The following PTTG1IP2 variants were observed in gnomAD, a reference collection of about 807,000 sequenced individuals.
PTTG1IP2 encodes the protein PTTG1IP family member 2.
intron 6 of PTTG1IP2, among the ~76,000 whole-genome samples, chr7:90,503,613 C>T (rs1331811839): frequency 6.6e-6 from 1 of 152,188 alleles, no homozygotes; most frequent in Non-Finnish European, 1.5e-5. Flanking sequence ...TGCTGTGTCT[C>T]ACTGAAGAGG....
chr7:90,495,153 G>A (rs984123472), intron 6 of PTTG1IP2, among the ~76,000 whole-genome samples: 3 of 152,154 alleles, frequency 2.0e-5, no homozygotes, highest in African/African-American at 4.8e-5. Context: ...ATCTGTTTGT[G>A]CCTTAGTTCC....
chr7:90,483,456 C>T (rs926886131), intron 2 of PTTG1IP2, among the ~76,000 whole-genome samples: 1 of 152,178 alleles, frequency 6.6e-6, no homozygotes. Flanking sequence ...AAGCCTTTCT[C>T]ATTTCCTTGT....
intron 6 of PTTG1IP2, among the ~76,000 whole-genome samples, chr7:90,500,708 C>T (rs1407210799): frequency 6.6e-6 from 1 of 152,174 alleles, no homozygotes; most frequent in Admixed American, 6.5e-5. Flanking sequence ...TGGCCCAAAT[C>T]CCAATATCAA....
Position 90,513,295 on chromosome 7 carries a change from AATC to A in PTTG1IP2, c.*72_*74del, listed in dbSNP as rs1487345343. On this transcript the variant is annotated 3_prime_UTR_variant, in exon 7 of 7. Coordinates refer to ENST00000509356, the MANE Select transcript of PTTG1IP2 (RefSeq NM_001365443.2). ...TCTTTCAGGCTTCCTTCAGGATTTT[AATC>A]ATCCTTACAGCCTCTTTGAGAATGA... is the stretch of plus-strand genomic sequence containing the variant. 1 of 152,622 alleles carries A rather than the reference AATC, an allele frequency of 6.6e-6. No individual in the cohort carries two copies. The highest frequency in any genetic ancestry group is 1.5e-5 in the Non-Finnish European group (1 of 68,024). The allele number at this position is 152,622 out of a possible 1,614,324, so 9.5% of individuals were successfully genotyped here.
intron 6 of PTTG1IP2, among the ~76,000 whole-genome samples, chr7:90,502,802 G>A (rs1798074413): frequency 6.6e-6 from 1 of 152,194 alleles, no homozygotes; most frequent in African/African-American, 2.4e-5. Flanking sequence ...CATTTATAGA[G>A]TGCGGGCAAG....
At chr7:90,508,233 T>A (rs1239795873) in intron 6 of PTTG1IP2, among the ~76,000 whole-genome samples, 1 of 139,760 alleles carries the variant, frequency 7.2e-6, no homozygotes, top group Non-Finnish European at 1.5e-5. Context: ...CGCCACTGCC[T>A]CCAGTCTGGG....
chr7:90,496,451 G>A (rs150105021), intron 6 of PTTG1IP2, among the ~76,000 whole-genome samples: 121 of 152,022 alleles, frequency 8.0e-4, no homozygotes, highest in African/African-American at 2.6e-3. Flanking sequence ...ACAGTATCTC[G>A]TAATCTTTCA....
chr7:90,470,572 G>A (rs1797671808), intron 1 of PTTG1IP2, among the ~76,000 whole-genome samples: 1 of 152,326 alleles, frequency 6.6e-6, no homozygotes, highest in Non-Finnish European at 1.5e-5. Context: ...AATTACTGCT[G>A]TCTGGTTTCC....
At chr7:90,470,963 C>CAAAAAAA in intron 1 of PTTG1IP2, among the ~76,000 whole-genome samples, 436 of 106,590 alleles carry the variant, frequency 4.1e-3, no homozygotes, top group Non-Finnish European at 5.8e-3. Flanking sequence ...TGATGAAGAA[C>CAAAAAAA]AAAAAAAAAA....
intron 1 of PTTG1IP2, among the ~76,000 whole-genome samples, chr7:90,477,223 G>T (rs1336763839): frequency 1.3e-5 from 2 of 152,066 alleles, no homozygotes; most frequent in African/African-American, 4.8e-5. Flanking sequence ...GAGGGTGAAA[G>T]AATCTGGTAC....
intron 2 of PTTG1IP2, among the ~76,000 whole-genome samples, chr7:90,480,865 C>A (rs906269057): frequency 2.6e-5 from 4 of 152,128 alleles, no homozygotes; most frequent in African/African-American, 9.7e-5. Flanking sequence ...TTCTCATAGT[C>A]TGGATTTTGC....
At chr7:90,510,185 A>G (rs539923989) in intron 6 of PTTG1IP2, among the ~76,000 whole-genome samples, 1 of 152,348 alleles carries the variant, frequency 6.6e-6, no homozygotes, top group African/African-American at 2.4e-5. Flanking sequence ...CACTGTGCCT[A>G]AATTGGCTTT....
intron 1 of PTTG1IP2, among the ~76,000 whole-genome samples, chr7:90,473,652 A>G (rs1359411704): frequency 6.6e-6 from 1 of 152,228 alleles, no homozygotes; most frequent in African/African-American, 2.4e-5. Flanking sequence ...TGAGAGGCCT[A>G]GATCAGATTC....
At chr7:90,491,568 A>G (rs1443713215) in intron 4 of PTTG1IP2, among the ~76,000 whole-genome samples, 1 of 151,800 alleles carries the variant, frequency 6.6e-6, no homozygotes, top group Non-Finnish European at 1.5e-5. Flanking sequence ...GGTTGCAGTG[A>G]GCTGAGATCA....
chr7:90,506,382 A>T (rs1021481676), intron 6 of PTTG1IP2, among the ~76,000 whole-genome samples: 1 of 152,186 alleles, frequency 6.6e-6, no homozygotes, highest in Non-Finnish European at 1.5e-5. Flanking sequence ...TACTGCATAC[A>T]TGCCAGTTTG....
At chr7:90,510,992 T>C (rs1190109608) in intron 6 of PTTG1IP2, among the ~76,000 whole-genome samples, 1 of 152,250 alleles carries the variant, frequency 6.6e-6, no homozygotes, top group African/African-American at 2.4e-5. Flanking sequence ...TAATCTTTTG[T>C]ATTTCTTCTC....
chr7:90,486,762 A>G (rs539211525), intron 2 of PTTG1IP2, among the ~76,000 whole-genome samples: 1 of 152,306 alleles, frequency 6.6e-6, no homozygotes, highest in African/African-American at 2.4e-5. Flanking sequence ...TCTTATTACT[A>G]CTTTGTGAAA....
At chr7:90,496,743 A>G (rs1039747286) in intron 6 of PTTG1IP2, among the ~76,000 whole-genome samples, 1 of 151,536 alleles carries the variant, frequency 6.6e-6, no homozygotes, top group African/African-American at 2.4e-5. Flanking sequence ...ACCTTTGGGC[A>G]TAGTTTGTTC....
At chr7:90,490,542 C>A (rs1301792452) in intron 4 of PTTG1IP2, among the ~76,000 whole-genome samples, 1 of 151,736 alleles carries the variant, frequency 6.6e-6, no homozygotes, top group Non-Finnish European at 1.5e-5. Flanking sequence ...TGGTCTTTTC[C>A]TTATTAACAT....
Sources: allele counts gnomAD v4.1 joint callset (sites outside exome capture counted in the v4.1 genomes callset), GRCh38; gene constraint gnomAD v4.1.1; transcripts MANE v1.5; gene names NCBI Gene and HGNC (gene_info 2026-07-23, HGNC 2026-07-21).